The following ZNF112 variants were observed in gnomAD, a reference collection of about 807,000 sequenced individuals.
ZNF112 encodes zinc finger protein 112.
In ZNF112, 37 loss-of-function variants were observed where a neutral mutation model predicts 77.7. The ratio of observed to expected loss-of-function variants is 0.48; its 90% CI spans 0.37 to 0.63. ZNF112 has a LOEUF of 0.63. Among genes scored for constraint, ZNF112 ranks in the 20% least tolerant of loss-of-function variants. ZNF112 has a pLI of 0.00. For missense variants in ZNF112, 950 were observed against 1,077.4 expected, an observed-to-expected ratio of 0.88 and a Z score of 1.66; for synonymous variants, 333 against 363.6, an observed-to-expected ratio of 0.92 and a Z score of 0.96.
rs774409777 is a variant in ZNF112 at position 44,329,785 on chromosome 19, A to T, written c.372T>A (p.Asn124Lys). 16 of 1,613,880 alleles carry T rather than the reference A, an allele frequency of 9.9e-6. No homozygotes were observed. In the African/African-American group the frequency reaches 2.0e-4, roughly 20 times the overall value. Residue 124 changes from asparagine (N) to lysine (K), a missense_variant, in exon 4 of 4, where the codon AAT becomes AAA. Coordinates refer to ENST00000354340, the MANE Select transcript of ZNF112 (RefSeq NM_013380.4). ...QDFLKVFQGK[N>K]SQLQEQGNSL... ...AATTACCTTGTTCTTGCAACTGAGA[A>T]TTCTTCCCTTGAAAAACTTTCAGGA...
intron 1 of ZNF112, among the ~76,000 whole-genome samples, chr19:44,347,323 C>A (rs899235320): frequency 2.0e-5 from 3 of 151,904 alleles, no homozygotes; most frequent in Non-Finnish European, 2.9e-5. Context: ...TGCTTTTTAT[C>A]CAATCTTACA....
intron 1 of ZNF112, among the ~76,000 whole-genome samples, chr19:44,365,873 T>C (rs148719972): frequency 1.8e-4 from 28 of 152,250 alleles, no homozygotes; most frequent in Non-Finnish European, 3.4e-4. Context: ...CTTCACTCTA[T>C]CCTCTCCAGG....
At chr19:44,338,943 A>G (rs984452204) in intron 2 of ZNF112, among the ~76,000 whole-genome samples, 2 of 152,106 alleles carry the variant, frequency 1.3e-5, no homozygotes, top group African/African-American at 4.8e-5. Context: ...GTTGCCTGTA[A>G]TCTCAGCTAC....
At chr19:44,360,257 G>A (rs1160463539), upstream of ZNF112, among the ~76,000 whole-genome samples, 200 of 138,556 alleles carry the variant, frequency 1.4e-3, no homozygotes, top group Admixed American at 1.7e-3. Flanking sequence ...TCCATCTCAA[G>A]AAAAAAAAAA....
intron 3 of ZNF112, among the ~76,000 whole-genome samples, chr19:44,333,267 C>T: frequency 6.6e-6 from 1 of 151,706 alleles, no homozygotes; most frequent in Non-Finnish European, 1.5e-5. Context: ...TTGTTTATGT[C>T]TTCTTCTTCT....
rs377677486 is a variant in ZNF112, at chr19:44,328,351, T to C, written c.1806A>G (p.Pro602=). 24 of 1,612,482 alleles carry C rather than the reference T, an allele frequency of 1.5e-5. No homozygotes were observed. Among genetic ancestry groups the C allele is most frequent in the Non-Finnish European group, 1.8e-5 (21 of 1,179,710 alleles). Residue 602 remains proline, a synonymous_variant, in exon 4 of 4, where the codon CCA becomes CCG. Coordinates refer to ENST00000354340, the MANE Select transcript of ZNF112 (RefSeq NM_013380.4). The stretch of plus-strand genomic sequence containing the variant: ...CCTTCCCACACTCCTCACACTTGTA[T>C]GGTTTTTCTCCAGTGTGAACTCTCT... The part of the protein sequence containing the change: ...GHQRVHTGEK[P]YKCEECGKGF...
Position 44,327,795 on chromosome 19 carries a change from C to T in ZNF112, c.2362G>A (p.Ala788Thr). 6.2e-7 allele frequency: 1 copy of T among 1,614,060 alleles called. No homozygotes were observed. Among genetic ancestry groups the T allele is most frequent in the Non-Finnish European group, 8.5e-7 (1 of 1,179,974 alleles). The change falls in exon 4 of 4, where the codon GCA (alanine) becomes ACA (threonine). Residue 788 changes from alanine (A) to threonine (T), a missense_variant. By Grantham distance (58) the Ala-to-Thr change is moderately conservative. Coordinates refer to ENST00000354340, the MANE Select transcript of ZNF112 (RefSeq NM_013380.4). Reference protein sequence around the residue: ...KGFSESSRLQAHQRVHVEGRP... With the variant: ...KGFSESSRLQTHQRVHVEGRP... ...CCTTCCACATGAACCCTTTGGTGTG[C>T]TTGAAGGCGTGAACTCTCACTGAAA...
At chr19:44,353,899 C>CA (rs56379666) in intron 1 of ZNF112, among the ~76,000 whole-genome samples, 2 of 151,580 alleles carry the variant, frequency 1.3e-5, no homozygotes, top group East Asian at 1.9e-4. Flanking sequence ...GAAATAAGCA[C>CA]AAAAAAAACT....
chr19:44,366,731 C>T (rs1399871158), intron 1 of ZNF112, among the ~76,000 whole-genome samples: 1 of 150,798 alleles, frequency 6.6e-6, no homozygotes, highest in Non-Finnish European at 1.5e-5. Flanking sequence ...AATAGCACTG[C>T]AGGTGGAACT....
intron 2 of ZNF112, among the ~76,000 whole-genome samples, chr19:44,337,800 T>C (rs1970409239): frequency 6.7e-6 from 1 of 148,478 alleles, no homozygotes; most frequent in African/African-American, 2.5e-5. Flanking sequence ...TATGTATACA[T>C]ATTTCTATGT....
upstream of ZNF112, among the ~76,000 whole-genome samples, chr19:44,359,539 G>C (rs144954397): frequency 1.1e-3 from 170 of 151,932 alleles, no homozygotes; most frequent in African/African-American, 3.9e-3. Flanking sequence ...GGCCAGGCTG[G>C]TGTTGAACTC....
intron 3 of ZNF112, among the ~76,000 whole-genome samples, chr19:44,335,779 T>C (rs1362189055): frequency 6.6e-6 from 1 of 152,234 alleles, no homozygotes; most frequent in Admixed American, 6.5e-5. Context: ...CAAACCATTA[T>C]AGAAATGAGT....
In ZNF112 at chr19:44,329,150, T is replaced by A. The variant is rs1383820621; in HGVS notation, c.1007A>T (p.His336Leu). 1 of 1,613,906 alleles carries A rather than the reference T, an allele frequency of 6.2e-7. No individual in the cohort carries two copies. Among genetic ancestry groups the A allele is most frequent in the South Asian group, 1.1e-5 (1 of 91,086 alleles). The stretch of plus-strand genomic sequence containing the variant: ...TTCATAAGTGTTAAGAGGGGAACAG[T>A]GATTGAAGTTCTCACCATATTCACC... The part of the protein sequence containing the change: ...KCGEYGENFN[H>L]CSPLNTYELI... The change falls in exon 4 of 4, where the codon CAC (histidine) becomes CTC (leucine). Residue 336 changes from histidine (H) to leucine (L), a missense_variant. Around this residue, in one of 3 missense-constraint regions of ZNF112, gnomAD observed 560 missense variants for 557.3 expected, o/e 1.00. Transcript: ENST00000354340.
chr19:44,355,328 AT>A (rs1018972002), intron 1 of ZNF112, among the ~76,000 whole-genome samples: 41 of 152,238 alleles, frequency 2.7e-4, no homozygotes, highest in African/African-American at 8.7e-4. Flanking sequence ...GGTTAGCATA[AT>A]TTTTTTCTTT....
intron 1 of ZNF112, among the ~76,000 whole-genome samples, chr19:44,344,577 T>G (rs1394333395): frequency 6.6e-6 from 1 of 152,178 alleles, no homozygotes; most frequent in African/African-American, 2.4e-5. Flanking sequence ...GTAAAAGAGC[T>G]GAGTTTTCTT....
chr19:44,343,426 C>A (rs1054906133), intron 1 of ZNF112: 22 of 744,994 alleles, frequency 3.0e-5, no homozygotes, highest in Middle Eastern at 2.4e-4. Flanking sequence ...CGTTAAGGAG[C>A]AGGTAGCATG....
At chr19:44,361,451 A>T (rs1205256791), upstream of ZNF112, among the ~76,000 whole-genome samples, 1 of 152,228 alleles carries the variant, frequency 6.6e-6, no homozygotes, top group Non-Finnish European at 1.5e-5. Context: ...AATACAATAG[A>T]GTATTATTCA....
intron 2 of ZNF112, among the ~76,000 whole-genome samples, chr19:44,337,813 GTATA>G (rs1970409733): frequency 1.4e-5 from 2 of 138,652 alleles, no homozygotes; most frequent in African/African-American, 5.5e-5. Flanking sequence ...TTCTATGTGT[GTATA>G]TGTGTATGTA....
chr19:44,356,444 T>C lies in ZNF112; in HGVS notation c.-4+182A>G, dbSNP rs190368536. On this transcript the variant is annotated intron_variant, in intron 1 of 3. Transcript: ENST00000354340. ...ATGTAGGATCTTGGACCCCCGGCGC[T>C]AAGTGGGGATGCGCCAGCTGCCCCA... is the stretch of plus-strand genomic sequence containing the variant. Among the ~76,000 whole-genome samples, 18 of 152,204 alleles carry C rather than the reference T, an allele frequency of 1.2e-4. No individual in the cohort carries two copies. The East Asian group carries it at 3.1e-3, about 26-fold the overall frequency.
Sources: gnomAD v4.1 joint callset for allele counts (sites outside exome capture counted in the v4.1 genomes callset) on GRCh38, gnomAD v4.1.1 for gene constraint, gnomAD v4.1.1 regional missense constraint, MANE v1.5 for transcripts, NCBI Gene and HGNC (gene_info 2026-07-23, HGNC 2026-07-21) for gene names.